AGGF1: variants seen among roughly 807,000 people sequenced by gnomAD.
AGGF1 encodes angiogenic factor with G patch and FHA domains 1.
AGGF1 carries 56 observed loss-of-function variants against 86.5 expected under a neutral mutation model. The observed-to-expected ratio is 0.65, with a 90% confidence interval of 0.52 to 0.81. The LOEUF (loss-of-function observed/expected upper bound fraction) is 0.81, where lower values mean the gene tolerates loss of function less well. AGGF1 is among the 30% of genes least tolerant of loss of function. AGGF1 has a pLI of 0.00. For synonymous variants in AGGF1, 313 were observed against 297.1 expected (o/e 1.05, Z -0.55); for missense variants, 816 against 850.9 (o/e 0.96, Z 0.51).
intron 5 of AGGF1, among the ~76,000 whole-genome samples, chr5:77,045,250 C>T (rs577804494): frequency 1.2e-4 from 19 of 152,240 alleles, no homozygotes; most frequent in African/African-American, 4.6e-4. Context: ...ATAGATTTGA[C>T]CATTGTATAA....
chr5:77,049,163 TC>T (rs1747326389), intron 8 of AGGF1, among the ~76,000 whole-genome samples, 176 bp downstream of exon 8: 1 of 152,206 alleles, frequency 6.6e-6, no homozygotes, highest in African/African-American at 2.4e-5. Context: ...TAATTCTTTA[TC>T]ACAATTTGAA....
rs1282925794 is a variant in AGGF1 at position 77,036,693 on chromosome 5, C to T, written c.654C>T (p.Asp218=). The change falls in exon 4 of 14, where the codon GAC becomes GAT. Residue 218 remains aspartate (D), a synonymous_variant. Coordinates refer to ENST00000312916, the MANE Select transcript of AGGF1 (RefSeq NM_018046.5). ...ATGAAAATACTGGACTGTATTTTGA[C>T]CACAGCACTGGTTTCTATTATGATT... ...SYDENTGLYF[D]HSTGFYYDSE... is the part of the protein sequence containing the mutation. 2.5e-6 allele frequency: 4 copies of T among 1,612,524 alleles called. No homozygotes were observed. In the South Asian group the frequency reaches 4.4e-5, roughly 18 times the overall value.
intron 5 of AGGF1, among the ~76,000 whole-genome samples, chr5:77,045,269 C>T (rs1233611003): frequency 3.9e-5 from 6 of 152,180 alleles, no homozygotes; most frequent in East Asian, 1.9e-4. Context: ...AACACGGTGA[C>T]TATTGTTAAT....
At chr5:77,062,447 C>A (rs996294311) in intron 13 of AGGF1, among the ~76,000 whole-genome samples, 1 of 152,146 alleles carries the variant, frequency 6.6e-6, no homozygotes, top group Non-Finnish European at 1.5e-5. Flanking sequence ...AGAATATGTG[C>A]TCTATCATTT....
intron 5 of AGGF1, among the ~76,000 whole-genome samples, chr5:77,041,804 TATTTA>T (rs1561285678): frequency 3.0e-4 from 34 of 115,214 alleles, no homozygotes; most frequent in African/African-American, 1.0e-3. Context: ...TTTATTTATT[TATTTA>T]TTTATTTTTA....
intron 5 of AGGF1, among the ~76,000 whole-genome samples, chr5:77,040,742 AC>A (rs1232460392): frequency 1.3e-5 from 2 of 152,214 alleles, no homozygotes; most frequent in Non-Finnish European, 2.9e-5. Context: ...TATTTTATGA[AC>A]TGTGGCAACT....
At chr5:77,052,670 A>T (rs781293112) in intron 8 of AGGF1, 36 bp from the exon 9 acceptor site, 142 of 1,466,396 alleles carry the variant, frequency 9.7e-5, no homozygotes, top group Admixed American at 1.5e-4. Flanking sequence ...TTTGAAAAGT[A>T]TAATAATTAA....
chr5:77,044,218 C>T (rs1028978400), intron 5 of AGGF1, among the ~76,000 whole-genome samples: 3 of 150,218 alleles, frequency 2.0e-5, no homozygotes, highest in African/African-American at 7.4e-5. Flanking sequence ...CTTTGGGAGG[C>T]CAGGGCAGGC....
rs1747323851 is a variant in AGGF1, at chr5:77,048,992, G to A, written c.1365+5G>A. 6.2e-7 allele frequency: 1 copy of A among 1,613,142 alleles called. No individual in the cohort carries two copies. The highest frequency in any genetic ancestry group is 8.5e-7 in the Non-Finnish European group (1 of 1,179,502). ...CCTGAAGTTGGTGTCAGTAAGGTAA[G>A]CTCTTTGATTTATCAAATATAGTCC... On this transcript the variant is annotated splice_donor_5th_base_variant and intron_variant, in intron 8 of 13. Transcript: ENST00000312916.
rs1456644067 is a variant in AGGF1 at position 77,063,294 on chromosome 5, A to G, written c.*42A>G. 1 of 1,577,352 alleles carries G rather than the reference A, an allele frequency of 6.3e-7. No individual in the cohort carries two copies. Among genetic ancestry groups the G allele is most frequent in the Non-Finnish European group, 8.7e-7 (1 of 1,153,468 alleles). ...AAAAACCTCTAGTTTTTTTAAAAATAGAATTTGGAAACTTATTTTTTCTCC... is the reference window on the plus strand; with the variant it reads ...AAAAACCTCTAGTTTTTTTAAAAATGGAATTTGGAAACTTATTTTTTCTCC... On this transcript the variant is annotated 3_prime_UTR_variant, in exon 14 of 14. Coordinates refer to ENST00000312916, the MANE Select transcript of AGGF1 (RefSeq NM_018046.5).
Position 77,034,161 on chromosome 5 carries a change from A to G in AGGF1, c.211-257A>G, listed in dbSNP as rs796356973. ...ATAAAAGCATTCTTATTTGTTAGAA[A>G]TAAAGGACCTTGTTCACAAAGTCTC... On this transcript the variant is annotated intron_variant, in intron 1 of 13. Transcript: ENST00000312916. 2.0e-5 allele frequency among the ~76,000 whole-genome samples: 3 copies of G among 152,228 alleles called. No individual in the cohort carries two copies. In the South Asian group the frequency reaches 6.2e-4, roughly 32 times the overall value.
intron 9 of AGGF1, 109 bp from the exon 10 acceptor site, chr5:77,053,856 C>G (rs768985713): frequency 1.8e-6 from 2 of 1,106,450 alleles, no homozygotes; most frequent in Non-Finnish European, 2.6e-6. Context: ...TCATTTATAG[C>G]TATTTTAAAT....
chr5:77,040,421 A>T (rs544115916), intron 5 of AGGF1, among the ~76,000 whole-genome samples: 1,287 of 63,728 alleles, frequency 0.02, 15 homozygotes, highest in African/African-American at 0.054. Context: ...GGAAAATATT[A>T]AAAAAAAAAA....
At chr5:77,033,042 G>C (rs2150726224) in intron 1 of AGGF1, among the ~76,000 whole-genome samples, 1 of 152,318 alleles carries the variant, frequency 6.6e-6, no homozygotes, top group South Asian at 2.1e-4. Context: ...AGGATCATCT[G>C]TCCTCCACAT....
At chr5:77,041,998 GGGAGTGGTGATGACTC>G (rs1317705488) in intron 5 of AGGF1, among the ~76,000 whole-genome samples, 1 of 151,026 alleles carries the variant, frequency 6.6e-6, no homozygotes, top group African/African-American at 2.4e-5. Flanking sequence ...CTTGAGATTA[GGGAGTGGTGATGACTC>G]TTAACGAGCA....
rs755468321 is a variant in AGGF1, at chr5:77,046,550, T to C, written c.1074T>C (p.Asp358=). 1 of 1,613,254 alleles carries C rather than the reference T, an allele frequency of 6.2e-7. No homozygotes were observed. The highest frequency in any genetic ancestry group is 1.7e-5 in the Admixed American group (1 of 59,976). ...TCTCTAATTCAACATCATTTAAAGA[T>C]GAGAAAATCATGGAGACTGATAGTG... ...ENISNSTSFK[D]EKIMETDSEP... is the part of the protein sequence containing the mutation. Residue 358 remains aspartate (D), a synonymous_variant, in exon 6 of 14, where the codon GAT becomes GAC. Transcript: ENST00000312916.
intron 5 of AGGF1, among the ~76,000 whole-genome samples, chr5:77,046,002 CAGGCAG>C (rs1747240820): frequency 6.6e-6 from 1 of 152,088 alleles, no homozygotes; most frequent in Admixed American, 6.5e-5. Context: ...TCCCATAGTC[CAGGCAG>C]TATGTGATGA....
rs1348028435 is a variant in AGGF1, at chr5:77,064,729, A to G, written c.*1477A>G. ...CTGCATTGTTTTCTTTTAATTAGAA[A>G]TAAAAAGTATTAGTCTAAATGTGGT... On this transcript the variant is annotated 3_prime_UTR_variant, in exon 14 of 14. Transcript: ENST00000312916. The G allele has an allele frequency of 1.3e-5, 2 of 152,260 alleles. No individual in the cohort carries two copies. Among genetic ancestry groups the G allele is most frequent in the Non-Finnish European group, 2.9e-5 (2 of 68,054 alleles). 9.4% of individuals were successfully genotyped at this position (152,260 alleles called of 1,614,324 possible).
intron 8 of AGGF1, among the ~76,000 whole-genome samples, chr5:77,050,588 A>G (rs1319397671): frequency 6.6e-6 from 1 of 152,114 alleles, no homozygotes. Context: ...GTATCCAAAT[A>G]GATGAAAAAC....
Sources: allele counts gnomAD v4.1 joint callset (sites outside exome capture counted in the v4.1 genomes callset), GRCh38; gene constraint gnomAD v4.1.1; transcripts MANE v1.5; gene names NCBI Gene and HGNC (gene_info 2026-07-23, HGNC 2026-07-21).